Variants in SUSD5 observed in about 807,000 individuals in gnomAD.
The protein encoded by SUSD5 is sushi domain containing 5, also known as sushi domain-containing protein 5.
In SUSD5, 33 loss-of-function variants were observed where a neutral mutation model predicts 29.5. The ratio of observed to expected loss-of-function variants is 1.12; its 90% CI spans 0.85 to 1.49. The LOEUF (loss-of-function observed/expected upper bound fraction) is 1.49, where lower values mean the gene tolerates loss of function less well. Ranked by LOEUF, SUSD5 falls within the 40% of genes most tolerant of loss-of-function variation. The pLI, the probability that SUSD5 is intolerant of heterozygous loss-of-function variation, is 0.00. For missense variants in SUSD5, 776 were observed against 800.6 expected (o/e 0.97, Z 0.37); for synonymous variants, 308 against 325.3 (o/e 0.95, Z 0.57).
intron 3 of SUSD5, 46 bp from the exon 4 acceptor site, chr3:33,175,120 T>C: frequency 1.9e-6 from 3 of 1,595,014 alleles, no homozygotes; most frequent in African/African-American, 1.3e-5. Flanking sequence ...TGTGCGGAAC[T>C]TTTTCAGCCT....
intron 3 of SUSD5, among the ~76,000 whole-genome samples, chr3:33,181,732 A>G (rs1157215825): frequency 6.6e-6 from 1 of 152,146 alleles, no homozygotes; most frequent in African/African-American, 2.4e-5. Context: ...CTATGTTTAG[A>G]TACACAAATA....
intron 3 of SUSD5, among the ~76,000 whole-genome samples, chr3:33,194,582 C>T (rs2031959198): frequency 6.6e-6 from 1 of 152,132 alleles, no homozygotes; most frequent in Non-Finnish European, 1.5e-5. Context: ...CTTAAAGCTT[C>T]AGAAACAACA....
Position 33,174,993 on chromosome 3 carries a change from A to G in SUSD5, c.491T>C (p.Leu164Pro). The change falls in exon 4 of 5, where the codon CTG becomes CCG. Residue 164 changes from leucine to proline, a missense_variant. Leu to Pro is a moderately conservative substitution (Grantham distance 98). Coordinates refer to ENST00000309558, the MANE Select transcript of SUSD5 (RefSeq NM_015551.2). ...RTGLEMGDEL[L>P]YVCAPGHIMG... is the part of the protein sequence containing the mutation. ...GATGTGGCCTGGGGCACACACGTAC[A>G]GCAGTTCATCCCCCATTTCCAAGCC... is the stretch of plus-strand genomic sequence containing the variant. The G allele has an allele frequency of 6.2e-7, 1 of 1,614,054 alleles. No individual in the cohort carries two copies. The highest frequency in any genetic ancestry group is 8.5e-7 in the Non-Finnish European group (1 of 1,179,904).
chr3:33,184,359 T>C (rs992577356), intron 3 of SUSD5, among the ~76,000 whole-genome samples: 1 of 152,218 alleles, frequency 6.6e-6, no homozygotes, highest in Admixed American at 6.5e-5. Context: ...TTTAAATTTA[T>C]CTTTAAATTT....
chr3:33,181,055 T>C, intron 3 of SUSD5, among the ~76,000 whole-genome samples: 1 of 150,678 alleles, frequency 6.6e-6, no homozygotes, highest in Non-Finnish European at 1.5e-5. Flanking sequence ...AAGAAAATGT[T>C]TGTACAGTTG....
intron 2 of SUSD5, among the ~76,000 whole-genome samples, chr3:33,210,781 AAT>A (rs1220667196): frequency 1.3e-5 from 2 of 152,226 alleles, no homozygotes; most frequent in Non-Finnish European, 2.9e-5. Context: ...AAAAGAGAAT[AAT>A]ATGTTTTAAA....
chr3:33,181,467 C>T (rs2031671911), intron 3 of SUSD5, among the ~76,000 whole-genome samples: 1 of 151,298 alleles, frequency 6.6e-6, no homozygotes, highest in South Asian at 2.1e-4. Context: ...TCGTGGCTCA[C>T]TGACCTCTTG....
intron 3 of SUSD5, among the ~76,000 whole-genome samples, chr3:33,206,134 G>A (rs557043035): frequency 6.6e-6 from 1 of 152,218 alleles, no homozygotes; most frequent in East Asian, 1.9e-4. Context: ...AGCATGTTGG[G>A]AAGCCGAGGC....
In SUSD5 at chr3:33,154,036, G is replaced by A; in HGVS notation, c.599-3C>T. On this transcript the variant is annotated splice_polypyrimidine_tract_variant and splice_region_variant and intron_variant, in intron 4 of 4. Transcript: ENST00000309558. ...GTCAATGTGTGCCTCAGCCTCATCTGGAAGAAAAGAGGGAAAAAACCTCAT... is the reference window on the plus strand; with the variant it reads ...GTCAATGTGTGCCTCAGCCTCATCTAGAAGAAAAGAGGGAAAAAACCTCAT... The A allele has an allele frequency of 6.4e-7, 1 of 1,567,056 alleles. No individual in the cohort carries two copies. Among genetic ancestry groups the A allele is most frequent in the Non-Finnish European group, 8.6e-7 (1 of 1,161,222 alleles).
chr3:33,216,854 C>T (rs1363750625), intron 1 of SUSD5, among the ~76,000 whole-genome samples: 3 of 152,160 alleles, frequency 2.0e-5, no homozygotes, highest in Admixed American at 2.0e-4. Flanking sequence ...TAGCTTATAA[C>T]TCTTCCTGGT....
chr3:33,175,665 A>C (rs1465346330), intron 3 of SUSD5, among the ~76,000 whole-genome samples: 1 of 152,080 alleles, frequency 6.6e-6, no homozygotes, highest in African/African-American at 2.4e-5. Context: ...CGTATGTATT[A>C]TTGAGTACCC....
chr3:33,155,229 A>G (rs2031023550), intron 4 of SUSD5, among the ~76,000 whole-genome samples: 1 of 152,230 alleles, frequency 6.6e-6, no homozygotes, highest in Non-Finnish European at 1.5e-5. Flanking sequence ...CCACAAATCT[A>G]TACTAAGTAG....
intron 3 of SUSD5, among the ~76,000 whole-genome samples, chr3:33,175,634 T>C (rs982821893): frequency 1.4e-4 from 22 of 152,124 alleles, no homozygotes; most frequent in African/African-American, 5.3e-4. Context: ...TTTCTTTTTT[T>C]TACATAAATG....
intron 4 of SUSD5, among the ~76,000 whole-genome samples, chr3:33,162,879 T>C (rs527398072): frequency 2.8e-5 from 4 of 144,702 alleles, no homozygotes; most frequent in African/African-American, 7.7e-5. Flanking sequence ...ATGGTGCCAT[T>C]GCACTCCAGC....
At chr3:33,154,455 G>A (rs192395890) in intron 4 of SUSD5, among the ~76,000 whole-genome samples, 153 of 152,218 alleles carry the variant, frequency 1.0e-3, no homozygotes, top group Admixed American at 2.7e-3. Flanking sequence ...CCCGGAAGGC[G>A]GACGTTGCAG....
intron 2 of SUSD5, among the ~76,000 whole-genome samples, chr3:33,210,237 G>A (rs2032297665): frequency 6.6e-6 from 1 of 152,172 alleles, no homozygotes. Flanking sequence ...CCGAATTCAT[G>A]GCTATAGAGT....
chr3:33,211,813 G>C (rs1049581577), intron 2 of SUSD5, among the ~76,000 whole-genome samples: 1 of 152,112 alleles, frequency 6.6e-6, no homozygotes, highest in African/African-American at 2.4e-5. Flanking sequence ...TATTTTCCCA[G>C]ACCAATATCC....
intron 3 of SUSD5, among the ~76,000 whole-genome samples, chr3:33,207,357 G>GC (rs1203280894): frequency 6.6e-6 from 1 of 152,124 alleles, no homozygotes; most frequent in Non-Finnish European, 1.5e-5. Flanking sequence ...AGGCACCTTT[G>GC]CCTCTTTGTT....
At chr3:33,175,167 C>A in intron 3 of SUSD5, 93 bp from the exon 4 acceptor site, 1 of 1,343,464 alleles carries the variant, frequency 7.4e-7, no homozygotes, top group Non-Finnish European at 1.0e-6. Context: ...TCTCCCCTGC[C>A]GCCCACCGTA....
Sources: gnomAD v4.1 joint callset for allele counts (sites outside exome capture counted in the v4.1 genomes callset) on GRCh38, gnomAD v4.1.1 for gene constraint, MANE v1.5 for transcripts, NCBI Gene and HGNC (gene_info 2026-07-23, HGNC 2026-07-21) for gene names.